The following ARHGAP31 variants were observed in gnomAD, a reference collection of about 807,000 sequenced individuals.
ARHGAP31 encodes Rho GTPase activating protein 31.
In ARHGAP31, 34 loss-of-function variants were observed where a neutral mutation model predicts 113.9. The observed-to-expected ratio is 0.30, with a 90% CI of 0.23 to 0.40. ARHGAP31 has a LOEUF of 0.40. ARHGAP31 is among the 10% of genes least tolerant of loss of function. The pLI is 1.00. For missense variants in ARHGAP31, 1,548 were observed against 1,767.1 expected (o/e 0.88, Z 2.22); for synonymous variants, 650 against 684.8 (o/e 0.95, Z 0.79).
chr3:119,303,425 A>G (rs1407559011), intron 1 of ARHGAP31, among the ~76,000 whole-genome samples: 1 of 152,164 alleles, frequency 6.6e-6, no homozygotes, highest in African/African-American at 2.4e-5. Flanking sequence ...CTTGGTGTGA[A>G]CCACATTCTT....
At chr3:119,310,027 CCCAAAA>C (rs1223481199) in intron 1 of ARHGAP31, among the ~76,000 whole-genome samples, 1 of 151,664 alleles carries the variant, frequency 6.6e-6, no homozygotes, top group Non-Finnish European at 1.5e-5. Context: ...AAGTGATATG[CCCAAAA>C]CCACATAGCT....
intron 1 of ARHGAP31, among the ~76,000 whole-genome samples, chr3:119,305,492 A>G (rs1011982160): frequency 1.3e-5 from 2 of 152,008 alleles, no homozygotes; most frequent in African/African-American, 4.8e-5. Flanking sequence ...ATATAAATCT[A>G]CACCTCCCTG....
At chr3:119,304,670 G>A (rs1374313467) in intron 1 of ARHGAP31, among the ~76,000 whole-genome samples, 1 of 152,146 alleles carries the variant, frequency 6.6e-6, no homozygotes, top group Non-Finnish European at 1.5e-5. Context: ...AATAACAAGA[G>A]TGACCTTTGA....
At chr3:119,325,191 T>C (rs559176312) in intron 1 of ARHGAP31, among the ~76,000 whole-genome samples, 44 of 152,220 alleles carry the variant, frequency 2.9e-4, no homozygotes, top group Non-Finnish European at 4.9e-4. Flanking sequence ...CACATGCATA[T>C]TCATCTTTTT....
chr3:119,300,861 A>G (rs2079577849), intron 1 of ARHGAP31, among the ~76,000 whole-genome samples: 1 of 151,450 alleles, frequency 6.6e-6, no homozygotes, highest in South Asian at 2.1e-4. Context: ...AAAGAAAGAA[A>G]GAAAGAAAGA....
At position 119,382,351 on chromosome 3, in the gene ARHGAP31, A is replaced by G. The variant is rs771083199; in HGVS notation, c.491A>G (p.Asn164Ser). The change falls in exon 5 of 12, where the codon AAC (asparagine) becomes AGC (serine). Residue 164 changes from asparagine to serine, a missense_variant. Physicochemically the swap from Asn to Ser is conservative, Grantham distance 46. Coordinates refer to ENST00000264245, the MANE Select transcript of ARHGAP31 (RefSeq NM_020754.4). ...ATCGCCTCCTTCAGCAGCAAGACCA[A>G]CATGCACGCCCGGAACCTGGCCCTG... ...AHIASFSSKT[N>S]MHARNLALVW... The G allele has an allele frequency of 4.3e-6, 7 of 1,614,070 alleles. No individual in the cohort carries two copies. The African/African-American group carries it at 8.0e-5, about 18-fold the overall frequency.
At chr3:119,348,241 C>T (rs778612772) in intron 1 of ARHGAP31, among the ~76,000 whole-genome samples, 1 of 152,156 alleles carries the variant, frequency 6.6e-6, no homozygotes, top group Non-Finnish European at 1.5e-5. Flanking sequence ...ATAACATATA[C>T]ATATATTTAC....
rs150120981 is a variant in ARHGAP31, at chr3:119,359,279, A to C, written c.101-6037A>C. ...GTGATCCACCTGCCTTGGCCTCCCA[A>C]AGTGCTGGGATTATAGGCAGCCTGA... is the stretch of plus-strand genomic sequence containing the variant. On this transcript the variant is annotated intron_variant, in intron 1 of 11. Transcript: ENST00000264245. Among the ~76,000 whole-genome samples, 935 of 152,224 alleles carry C rather than the reference A, an allele frequency of 6.1e-3. 11 individuals carry two copies. The highest frequency in any genetic ancestry group is 0.021 in the African/African-American group (873 of 41,544).
intron 1 of ARHGAP31, among the ~76,000 whole-genome samples, chr3:119,356,848 A>G (rs199571151): frequency 6.6e-6 from 1 of 152,150 alleles, no homozygotes; most frequent in African/African-American, 2.4e-5. Context: ...AACTGTTGTA[A>G]TGAATAGCCT....
intron 6 of ARHGAP31, among the ~76,000 whole-genome samples, chr3:119,389,435 A>G (rs531860648): frequency 6.6e-6 from 1 of 152,366 alleles, no homozygotes; most frequent in East Asian, 1.9e-4. Context: ...CAAATATTCA[A>G]AGTAGATTAA....
At chr3:119,330,342 GA>G (rs1262947450) in intron 1 of ARHGAP31, among the ~76,000 whole-genome samples, 1 of 152,174 alleles carries the variant, frequency 6.6e-6, no homozygotes, top group Non-Finnish European at 1.5e-5. Context: ...GGCATCATAG[GA>G]AAAACCAGCC....
Position 119,399,243 on chromosome 3 carries a change from T to C in ARHGAP31, c.1051T>C (p.Cys351Arg). ...IRPAKSMDSLCSVPVEGKETK... is the reference protein window; with the variant it reads ...IRPAKSMDSLRSVPVEGKETK... ...ACCAGCTAAAAGCATGGACTCACTA[T>C]GTTCAGTGCCTGTGGAAGGTAAGAT... The change falls in exon 9 of 12, where the codon TGT becomes CGT. Residue 351 changes from cysteine to arginine, a missense_variant. Physicochemically the swap from Cys to Arg is radical, Grantham distance 180. Coordinates refer to ENST00000264245, the MANE Select transcript of ARHGAP31 (RefSeq NM_020754.4). The C allele has an allele frequency of 6.2e-7, 1 of 1,613,696 alleles. No individual in the cohort carries two copies. Among genetic ancestry groups the C allele is most frequent in the Non-Finnish European group, 8.5e-7 (1 of 1,179,540 alleles).
chr3:119,299,290 C>T (rs1208734341), intron 1 of ARHGAP31, among the ~76,000 whole-genome samples: 3 of 152,338 alleles, frequency 2.0e-5, no homozygotes, highest in Admixed American at 6.5e-5. Flanking sequence ...CCTGGATAAG[C>T]GGCCTTAGCC....
chr3:119,415,566 C>G lies in ARHGAP31; in HGVS notation c.3637C>G (p.Pro1213Ala). Reference sequence around the variant, plus strand: ...TCCCAAGATTCAGTACACCCAGATCCCACAGCCCCTGCCCTCTCAGAGCTC... The same window carrying G: ...TCCCAAGATTCAGTACACCCAGATCGCACAGCCCCTGCCCTCTCAGAGCTC... ...IPPKIQYTQI[P>A]QPLPSQSSGE... The change falls in exon 12 of 12, where the codon CCA (proline) becomes GCA (alanine). Residue 1213 changes from proline (P) to alanine (A), a missense_variant. By Grantham distance (27) the Pro-to-Ala change is conservative. Coordinates refer to ENST00000264245, the MANE Select transcript of ARHGAP31 (RefSeq NM_020754.4). The G allele has an allele frequency of 6.2e-7, 1 of 1,614,148 alleles. No individual in the cohort carries two copies. Among genetic ancestry groups the G allele is most frequent in the Non-Finnish European group, 8.5e-7 (1 of 1,180,036 alleles).
At chr3:119,369,098 T>C (rs144171914) in intron 3 of ARHGAP31, among the ~76,000 whole-genome samples, 90 of 152,232 alleles carry the variant, frequency 5.9e-4, no homozygotes, top group Non-Finnish European at 9.9e-4. Flanking sequence ...GCAAAACACC[T>C]AAGTAGCAGC....
chr3:119,361,533 C>T (rs2080206659), intron 1 of ARHGAP31, among the ~76,000 whole-genome samples: 1 of 152,140 alleles, frequency 6.6e-6, no homozygotes, highest in Non-Finnish European at 1.5e-5. Flanking sequence ...AGGCACCCGC[C>T]ACCACACCTG....
chr3:119,328,697 A>G (rs553797642), intron 1 of ARHGAP31, among the ~76,000 whole-genome samples: 1 of 151,658 alleles, frequency 6.6e-6, no homozygotes. Flanking sequence ...CTGGAGTGCA[A>G]TGGCGCGATC....
At chr3:119,371,714 T>C (rs1339131423) in intron 3 of ARHGAP31, among the ~76,000 whole-genome samples, 2 of 152,208 alleles carry the variant, frequency 1.3e-5, no homozygotes, top group African/African-American at 4.8e-5. Context: ...TAAACTTGTG[T>C]CACGGGGGTT....
At chr3:119,341,721 A>T (rs1004478213) in intron 1 of ARHGAP31, 53 of 152,144 alleles carry the variant, frequency 3.5e-4, no homozygotes, top group Admixed American at 2.9e-3. Flanking sequence ...TGGTCGTAGT[A>T]ACTGGCAGTA....
Sources: gnomAD v4.1 joint callset for allele counts (sites outside exome capture counted in the v4.1 genomes callset) on GRCh38, gnomAD v4.1.1 for gene constraint, MANE v1.5 for transcripts, NCBI Gene and HGNC (gene_info 2026-07-23, HGNC 2026-07-21) for gene names.